The following SCIN variants were observed in gnomAD, a reference collection of about 807,000 sequenced individuals.
SCIN encodes the protein scinderin.
In SCIN, 91 loss-of-function variants were observed where a neutral mutation model predicts 91.8. That is an observed-to-expected ratio of 0.99 (90% CI 0.84 to 1.18). The LOEUF (loss-of-function observed/expected upper bound fraction) is 1.18, where lower values mean the gene tolerates loss of function less well. Among genes scored for constraint, SCIN ranks in the 50% most tolerant of loss-of-function variants. The probability of loss-of-function intolerance (pLI) is 0.00; values close to 1 mark genes in which losing one functional copy is unlikely to be tolerated. For missense variants in SCIN, 1,087 were observed against 863.9 expected (o/e 1.26, Z -3.24); for synonymous variants, 367 against 312.6 (o/e 1.17, Z -1.84).
At chr7:12,588,575 G>C (rs534920589) in intron 3 of SCIN, among the ~76,000 whole-genome samples, 2 of 152,062 alleles carry the variant, frequency 1.3e-5, no homozygotes, top group South Asian at 4.2e-4. Flanking sequence ...TTATATGGGG[G>C]AGAGAGACCC....
At chr7:12,619,239 C>T (rs1172035430) in intron 4 of SCIN, among the ~76,000 whole-genome samples, 2 of 152,004 alleles carry the variant, frequency 1.3e-5, no homozygotes, top group African/African-American at 4.8e-5. Flanking sequence ...TCTTATGATG[C>T]ATTACAAATA....
At chr7:12,648,453 C>T (rs574533587) in intron 13 of SCIN, among the ~76,000 whole-genome samples, 1 of 152,166 alleles carries the variant, frequency 6.6e-6, no homozygotes, top group African/African-American at 2.4e-5. Context: ...CCTGCCACCA[C>T]ACCTGGCTAA....
Position 12,570,996 on chromosome 7 carries a change from G to A in SCIN, c.199+11G>A. 6.5e-7 allele frequency: 1 copy of A among 1,544,644 alleles called. No individual in the cohort carries two copies. Among genetic ancestry groups the A allele is most frequent in the Non-Finnish European group, 8.8e-7 (1 of 1,142,742 alleles). ...TGCACTTCTGGCTCGGTAAGGGACG[G>A]CGGGCGGCGGGACCCCGACGCACCA... is the stretch of plus-strand genomic sequence containing the variant. On this transcript the variant is annotated intron_variant, in intron 1 of 15. Coordinates refer to ENST00000297029, the MANE Select transcript of SCIN (RefSeq NM_001112706.3).
At chr7:12,628,891 G>A (rs557492862) in intron 8 of SCIN, among the ~76,000 whole-genome samples, 4 of 152,238 alleles carry the variant, frequency 2.6e-5, no homozygotes, top group African/African-American at 9.6e-5. Context: ...GCTTAATACT[G>A]TAGAGGAAGC....
intron 1 of SCIN, among the ~76,000 whole-genome samples, chr7:12,576,836 C>T (rs1004981537): frequency 6.6e-6 from 1 of 152,118 alleles, no homozygotes; most frequent in Non-Finnish European, 1.5e-5. Context: ...TAAATGAGAT[C>T]ATCCATGTAA....
intron 3 of SCIN, among the ~76,000 whole-genome samples, chr7:12,603,303 C>T (rs547054848): frequency 2.0e-5 from 3 of 152,004 alleles, no homozygotes; most frequent in African/African-American, 4.8e-5. Flanking sequence ...CGCCACTACA[C>T]CTGGCTAATT....
rs768349546 is a variant in SCIN, at chr7:12,651,806, G to T, written c.1960-35G>T. The T allele has an allele frequency of 7.2e-7, 1 of 1,392,968 alleles. No individual in the cohort carries two copies. The allele number at this position is 1,392,968 out of a possible 1,614,324, so 86.3% of individuals were successfully genotyped here. Reference sequence around the variant, plus strand: ...GGCCTAGCACTGAGTCAACATCCCAGAAATCATACATATTGTTATTGTTTC... The same window carrying T: ...GGCCTAGCACTGAGTCAACATCCCATAAATCATACATATTGTTATTGTTTC... On this transcript the variant is annotated intron_variant, in intron 14 of 15. Transcript: ENST00000297029. This position sits in a 1 kb window ranked among gnomAD's most constrained non-coding sequence, Gnocchi z 5.9.
chr7:12,626,943 A>G, intron 8 of SCIN, 144 bp downstream of exon 8: 1 of 723,984 alleles, frequency 1.4e-6, no homozygotes. Context: ...TACAAAAATT[A>G]GCCAGGTGTG....
chr7:12,584,876 A>G (rs1314276959), intron 3 of SCIN, among the ~76,000 whole-genome samples: 1 of 152,198 alleles, frequency 6.6e-6, no homozygotes. Context: ...AGAAAAGCCC[A>G]TATTCTTAAG....
Position 12,651,191 on chromosome 7 carries a change from G to A in SCIN, c.1960-650G>A, listed in dbSNP as rs1784071737. Among the ~76,000 whole-genome samples the A allele has an allele frequency of 6.6e-6, 1 of 152,220 alleles. No homozygotes were observed. Among genetic ancestry groups the A allele is most frequent in the Admixed American group, 6.5e-5 (1 of 15,280 alleles). On this transcript the variant is annotated intron_variant, in intron 14 of 15. Coordinates refer to ENST00000297029, the MANE Select transcript of SCIN (RefSeq NM_001112706.3). This position sits in a 1 kb window ranked among gnomAD's most constrained non-coding sequence, Gnocchi z 5.9. ...ATGGCAAAACTGGTTATGGGAGGGAGAGAAGAGGCCTGGCTAGGAAAGATG... is the reference window on the plus strand; with the variant it reads ...ATGGCAAAACTGGTTATGGGAGGGAAAGAAGAGGCCTGGCTAGGAAAGATG...
rs1782247737 is a variant in SCIN at position 12,570,762 on chromosome 7, C to G, written c.-25C>G. The stretch of plus-strand genomic sequence containing the variant: ...TCCAAGATCAGCGATATCACGCGTC[C>G]CCCGGAGCATCGCGTGCAGGAGCCA... On this transcript the variant is annotated 5_prime_UTR_variant, in exon 1 of 16. Transcript: ENST00000297029. The G allele has an allele frequency of 1.9e-6, 3 of 1,545,880 alleles. No homozygotes were observed. The highest frequency in any genetic ancestry group is 2.7e-5 in the African/African-American group (2 of 73,016).
chr7:12,572,909 G>T (rs1782298093), intron 1 of SCIN, among the ~76,000 whole-genome samples: 1 of 152,002 alleles, frequency 6.6e-6, no homozygotes, highest in South Asian at 2.1e-4. Context: ...CACCTCAAAG[G>T]TGCAAAAAGA....
chr7:12,624,637 T>C (rs1156867966), intron 5 of SCIN, among the ~76,000 whole-genome samples: 1 of 152,170 alleles, frequency 6.6e-6, no homozygotes. Flanking sequence ...GAAATAATCA[T>C]GGAAAGTTAA....
chr7:12,579,373 C>T (rs1176257660), intron 2 of SCIN, among the ~76,000 whole-genome samples: 1 of 152,110 alleles, frequency 6.6e-6, no homozygotes, highest in Non-Finnish European at 1.5e-5. Context: ...CACAGGAGCT[C>T]CTACAGTTTA....
chr7:12,602,168 C>T (rs1340111410), intron 3 of SCIN, among the ~76,000 whole-genome samples: 2 of 152,164 alleles, frequency 1.3e-5, no homozygotes, highest in African/African-American at 4.8e-5. Flanking sequence ...ACTGGGCCTC[C>T]AGGGGTGACA....
intron 14 of SCIN, 41 bp downstream of exon 14, chr7:12,649,585 G>C: frequency 7.2e-7 from 1 of 1,388,180 alleles, no homozygotes; most frequent in Non-Finnish European, 1.0e-6. Context: ...ATGCATTTTT[G>C]GTTGGGAGAT....
intron 3 of SCIN, among the ~76,000 whole-genome samples, chr7:12,591,673 A>T (rs1042720731): frequency 6.6e-6 from 1 of 152,100 alleles, no homozygotes; most frequent in Non-Finnish European, 1.5e-5. Context: ...TGGCCACTTC[A>T]TAGAGGGGAT....
In SCIN at chr7:12,656,271, ATATACTGTGAATT is replaced by A. The variant is rs1784160694; in HGVS notation, c.*3565_*3577del. 1 of 152,168 alleles carries A rather than the reference ATATACTGTGAATT, an allele frequency of 6.6e-6. No individual in the cohort carries two copies. Among genetic ancestry groups the A allele is most frequent in the Admixed American group, 6.5e-5 (1 of 15,282 alleles). 9.4% of individuals were successfully genotyped at this position (152,168 alleles called of 1,614,324 possible). On this transcript the variant is annotated 3_prime_UTR_variant, in exon 16 of 16. Transcript: ENST00000297029. The stretch of plus-strand genomic sequence containing the variant: ...CTTGTCCCAATCATTCTCCAAAGCT[ATATACTGTGAATT>A]TATACTGTTGTGTAGTGACACAAGC...
chr7:12,592,774 C>T (rs959847009), intron 3 of SCIN, among the ~76,000 whole-genome samples: 7 of 152,262 alleles, frequency 4.6e-5, no homozygotes, highest in Non-Finnish European at 7.4e-5. Flanking sequence ...ATGAGTCCGT[C>T]AACCCCCACA....
Sources: allele counts gnomAD v4.1 joint callset (sites outside exome capture counted in the v4.1 genomes callset), GRCh38; gene constraint gnomAD v4.1.1; non-coding constraint Gnocchi (gnomAD v3.1); transcripts MANE v1.5; gene names NCBI Gene and HGNC (gene_info 2026-07-23, HGNC 2026-07-21).